The following CMIP variants were observed in gnomAD, a reference collection of about 807,000 sequenced individuals.
The protein encoded by CMIP is C-Maf-inducing protein.
CMIP carries 13 observed loss-of-function variants against 97.3 expected under a neutral mutation model. The ratio of observed to expected loss-of-function variants is 0.13; its 90% CI spans 0.09 to 0.21. The LOEUF (loss-of-function observed/expected upper bound fraction) is 0.21, where lower values mean the gene tolerates loss of function less well. Among genes scored for constraint, CMIP ranks in the 10% least tolerant of loss-of-function variants. The pLI, the probability that CMIP is intolerant of heterozygous loss-of-function variation, is 1.00. For synonymous variants in CMIP, 538 were observed against 436.3 expected (o/e 1.23, Z -2.91); for missense variants, 847 against 1,024.9 (o/e 0.83, Z 2.37).
intron 20 of CMIP, among the ~76,000 whole-genome samples, chr16:81,708,653 G>C (rs910719744): frequency 2.0e-5 from 3 of 152,210 alleles, no homozygotes; most frequent in Non-Finnish European, 4.4e-5. Context: ...CTCAGTGCCA[G>C]GCAGGCCACG....
chr16:81,704,745 G>T (rs866618961), intron 18 of CMIP, among the ~76,000 whole-genome samples: 2 of 32,470 alleles, frequency 6.2e-5, no homozygotes, highest in Non-Finnish European at 6.0e-5. Context: ...CCCCTCACCC[G>T]CTTCCCTGCC....
chr16:81,645,674 G>A, intron 3 of CMIP: 1 of 1,496,744 alleles, frequency 6.7e-7, no homozygotes, highest in Non-Finnish European at 9.0e-7. Flanking sequence ...CGGGAAGCAG[G>A]AGGCTCTGCC....
chr16:81,696,381 C>T, intron 13 of CMIP, 179 bp from the exon 14 acceptor site: 1 of 661,396 alleles, frequency 1.5e-6, no homozygotes, highest in South Asian at 1.8e-5. Flanking sequence ...ACGGTATTTC[C>T]CGAAAGACCT....
At chr16:81,452,458 T>G (rs1906276727) in intron 1 of CMIP, among the ~76,000 whole-genome samples, 1 of 152,154 alleles carries the variant, frequency 6.6e-6, no homozygotes, top group Non-Finnish European at 1.5e-5. Flanking sequence ...GTGGAGCCTG[T>G]GTTGGTGGGA....
intron 1 of CMIP, among the ~76,000 whole-genome samples, chr16:81,585,909 C>CT (rs563372625): frequency 6.6e-6 from 1 of 152,194 alleles, no homozygotes; most frequent in Non-Finnish European, 1.5e-5. Context: ...TAGCACCTGT[C>CT]TCACCAGCAC....
intron 10 of CMIP, among the ~76,000 whole-genome samples, chr16:81,685,711 C>CTT (rs572591775): frequency 0.024 from 3,206 of 135,112 alleles, 62 homozygotes; most frequent in African/African-American, 0.047. Context: ...GCCTGGCTTA[C>CTT]TTTTTTTTTT....
At chr16:81,620,021 G>A (rs1008080432) in intron 2 of CMIP, 1 of 152,244 alleles carries the variant, frequency 6.6e-6, no homozygotes, top group African/African-American at 2.4e-5. Flanking sequence ...CAATGGTAAT[G>A]ATAACAATAA....
chr16:81,583,302 CCGGGGT>C (rs968754851), intron 1 of CMIP, among the ~76,000 whole-genome samples: 2 of 152,258 alleles, frequency 1.3e-5, no homozygotes, highest in Non-Finnish European at 2.9e-5. Context: ...GCACTTCCCC[CCGGGGT>C]CGGGGCTCCG....
At chr16:81,490,997 A>G (rs1043518940) in intron 1 of CMIP, among the ~76,000 whole-genome samples, 1 of 151,984 alleles carries the variant, frequency 6.6e-6, no homozygotes, top group Non-Finnish European at 1.5e-5. Flanking sequence ...GCCTGCACAC[A>G]GTGGAGGGGT....
At chr16:81,589,461 A>G (rs1409390363) in intron 1 of CMIP, among the ~76,000 whole-genome samples, 1 of 152,066 alleles carries the variant, frequency 6.6e-6, no homozygotes. Context: ...GAAGCACAGT[A>G]GAAACATATA....
At chr16:81,561,223 G>A (rs1240035232) in intron 1 of CMIP, among the ~76,000 whole-genome samples, 1 of 152,224 alleles carries the variant, frequency 6.6e-6, no homozygotes, top group African/African-American at 2.4e-5. Context: ...CCAAAGTGCT[G>A]GGATTGCAGG....
intron 1 of CMIP, among the ~76,000 whole-genome samples, chr16:81,455,472 C>T (rs1465909298): frequency 1.3e-5 from 2 of 152,238 alleles, no homozygotes; most frequent in Non-Finnish European, 2.9e-5. Context: ...GAGAGGGAGG[C>T]GCAAGCCCAG....
Position 81,705,572 on chromosome 16 carries a change from C to G in CMIP, c.2165C>G (p.Pro722Arg). Residue 722 changes from proline to arginine, a missense_variant, in exon 19 of 21, where the codon CCG becomes CGG. By Grantham distance (103) the Pro-to-Arg change is moderately radical (BLOSUM62 -2). Transcript: ENST00000537098. ...MLQVLNLCET[P>R]VTDAGLLALS... ...CAGGTGCTGAACCTGTGCGAGACCC[C>G]GGTCACAGACGCTGGCCTGCTGGCC... is the stretch of plus-strand genomic sequence containing the variant. 1 of 1,607,282 alleles carries G rather than the reference C, an allele frequency of 6.2e-7. No homozygotes were observed. Among genetic ancestry groups the G allele is most frequent in the Non-Finnish European group, 8.5e-7 (1 of 1,177,914 alleles).
chr16:81,642,038 T>A (rs748262267), intron 3 of CMIP, among the ~76,000 whole-genome samples: 1 of 152,254 alleles, frequency 6.6e-6, no homozygotes, highest in Non-Finnish European at 1.5e-5. Context: ...ATGGGATGAT[T>A]TAAAATGTAT....
chr16:81,570,515 C>G (rs918517343), intron 1 of CMIP, among the ~76,000 whole-genome samples: 4 of 152,022 alleles, frequency 2.6e-5, no homozygotes, highest in East Asian at 1.9e-4. Context: ...GTGGTGGGAC[C>G]GCTAGTTTTG....
At chr16:81,676,842 A>C (rs1283919606) in intron 9 of CMIP, among the ~76,000 whole-genome samples, 1 of 151,454 alleles carries the variant, frequency 6.6e-6, no homozygotes, top group Admixed American at 6.6e-5. Flanking sequence ...TTCCCCAAAC[A>C]CAATGCCAGC....
At chr16:81,476,342 A>G (rs1907916861) in intron 1 of CMIP, 1 of 1,407,992 alleles carries the variant, frequency 7.1e-7, no homozygotes, top group Admixed American at 1.7e-5. Flanking sequence ...TGATACATAA[A>G]CCCTGGAATG....
chr16:81,604,143 C>T (rs1009606188), intron 1 of CMIP, among the ~76,000 whole-genome samples: 24 of 152,196 alleles, frequency 1.6e-4, no homozygotes, highest in Non-Finnish European at 2.5e-4. Context: ...CCTGTAATCC[C>T]AGCACTTTGG....
intron 13 of CMIP, chr16:81,696,305 C>T (rs971949212): frequency 1.9e-5 from 11 of 564,872 alleles, no homozygotes; most frequent in South Asian, 8.1e-5. Flanking sequence ...CCAATCAAGC[C>T]GGGGCCTGCC....
Sources: gnomAD v4.1 joint callset for allele counts (sites outside exome capture counted in the v4.1 genomes callset) on GRCh38, gnomAD v4.1.1 for gene constraint, MANE v1.5 for transcripts, NCBI Gene and HGNC (gene_info 2026-07-23, HGNC 2026-07-21) for gene names.